The following ADAMTS9 variants were observed in gnomAD, a reference collection of about 807,000 sequenced individuals.
ADAMTS9 encodes ADAM metallopeptidase with thrombospondin type 1 motif 9, also known as A disintegrin and metalloproteinase with thrombospondin motifs 9.
ADAMTS9 carries 107 observed loss-of-function variants against 257.1 expected under a neutral mutation model. The ratio of observed to expected loss-of-function variants is 0.42; its 90% CI spans 0.36 to 0.49. ADAMTS9 has a LOEUF of 0.49. Ranked by LOEUF, ADAMTS9 falls within the 20% of genes least tolerant of loss-of-function variation. ADAMTS9 has a pLI of 0.03. For synonymous variants in ADAMTS9, 982 were observed against 880.9 expected, an observed-to-expected ratio of 1.11 and a Z score of -2.03; for missense variants, 2,353 against 2,469.1, an observed-to-expected ratio of 0.95 and a Z score of 1.00.
At chr3:64,673,892 TC>T (rs531320808) in intron 3 of ADAMTS9, among the ~76,000 whole-genome samples, 21 of 152,198 alleles carry the variant, frequency 1.4e-4, no homozygotes, top group African/African-American at 5.1e-4. Flanking sequence ...TTACAGTGGT[TC>T]ATTTTATTAT....
chr3:64,647,161 C>T (rs1405745228), intron 11 of ADAMTS9, among the ~76,000 whole-genome samples: 1 of 151,716 alleles, frequency 6.6e-6, no homozygotes, highest in Non-Finnish European at 1.5e-5. Context: ...GAGATTGTAT[C>T]CTTGGTAAGT....
intron 10 of ADAMTS9, 35 bp from the exon 11 acceptor site, chr3:64,648,079 A>G (rs1179810184): frequency 1.9e-6 from 3 of 1,572,674 alleles, no homozygotes; most frequent in Non-Finnish European, 1.7e-6. Context: ...TTGAGTGACA[A>G]GTGATTTATT....
Position 64,561,582 on chromosome 3 carries a change from T to C in ADAMTS9, c.4694A>G (p.Gln1565Arg), listed in dbSNP as rs1427532881. 1 of 1,612,840 alleles carries C rather than the reference T, an allele frequency of 6.2e-7. No homozygotes were observed. Among genetic ancestry groups the C allele is most frequent in the Non-Finnish European group, 8.5e-7 (1 of 1,179,476 alleles). Residue 1565 changes from glutamine to arginine, a missense_variant, in exon 30 of 40, where the codon CAA becomes CGA. By Grantham distance (43) the Gln-to-Arg change is conservative. Coordinates refer to ENST00000498707, the MANE Select transcript of ADAMTS9 (RefSeq NM_182920.2). ...PLYTWRAEEW[Q>R]ECTKTCGEGS... ...CCCCTTTGTGGCTCTACTTACTTCTTGCCATTCCTCTGCCCTCCAAGTGTA... is the reference window on the plus strand; with the variant it reads ...CCCCTTTGTGGCTCTACTTACTTCTCGCCATTCCTCTGCCCTCCAAGTGTA...
chr3:64,533,316 C>T (rs749829036), intron 37 of ADAMTS9, 46 bp from the exon 38 acceptor site: 3 of 1,521,608 alleles, frequency 2.0e-6, no homozygotes, highest in Admixed American at 1.7e-5. Context: ...CATGTGATGT[C>T]CTCAAAAAAG....
chr3:64,667,210 A>G (rs1701371822), intron 3 of ADAMTS9, among the ~76,000 whole-genome samples: 1 of 152,172 alleles, frequency 6.6e-6, no homozygotes, highest in Admixed American at 6.5e-5. Flanking sequence ...TTAGTCCCAT[A>G]AGATAGTTCC....
rs1411606684 is a variant in ADAMTS9, at chr3:64,687,058, T to G, written c.116-90A>C. The G allele has an allele frequency of 6.9e-7, 1 of 1,457,688 alleles. No individual in the cohort carries two copies. The highest frequency in any genetic ancestry group is 2.1e-5 in the Admixed American group (1 of 46,746). 90.3% of individuals were successfully genotyped at this position (1,457,688 alleles called of 1,614,324 possible). On this transcript the variant is annotated intron_variant, in intron 1 of 39. Coordinates refer to ENST00000498707, the MANE Select transcript of ADAMTS9 (RefSeq NM_182920.2). The surrounding 1 kb of genome is among the most constrained non-coding windows in gnomAD (Gnocchi z 4.4). Reference sequence around the variant, plus strand: ...GAAGGTGGGGACTTTGTTCTGACCTTATTTTCCAGCCCATTCGAGTCAATC... The same window carrying G: ...GAAGGTGGGGACTTTGTTCTGACCTGATTTTCCAGCCCATTCGAGTCAATC...
chr3:64,657,673 A>C (rs766081479), intron 4 of ADAMTS9, among the ~76,000 whole-genome samples: 2 of 147,040 alleles, frequency 1.4e-5, no homozygotes, highest in African/African-American at 5.0e-5. Flanking sequence ...ATGTGGCTAC[A>C]TGAAAATTTA....
intron 3 of ADAMTS9, among the ~76,000 whole-genome samples, chr3:64,662,668 T>C (rs1031558473): frequency 6.6e-6 from 1 of 152,088 alleles, no homozygotes; most frequent in Non-Finnish European, 1.5e-5. Context: ...ATGGACTTTA[T>C]TCTACCAGGA....
intron 11 of ADAMTS9, among the ~76,000 whole-genome samples, chr3:64,645,518 T>C (rs1700766259): frequency 6.6e-6 from 1 of 152,148 alleles, no homozygotes; most frequent in African/African-American, 2.4e-5. Flanking sequence ...CAGAATGTGC[T>C]AGCATATAGA....
chr3:64,529,555 C>A (rs1395111931), intron 38 of ADAMTS9, among the ~76,000 whole-genome samples: 2 of 152,182 alleles, frequency 1.3e-5, no homozygotes, highest in African/African-American at 4.8e-5. Context: ...CCAGAGAAGA[C>A]TGGGCCACAG....
At chr3:64,595,667 A>G (rs949551385) in intron 27 of ADAMTS9, among the ~76,000 whole-genome samples, 1 of 152,188 alleles carries the variant, frequency 6.6e-6, no homozygotes, top group Non-Finnish European at 1.5e-5. Context: ...CTGTCAATGA[A>G]AGTCAACAAT....
chr3:64,612,530 T>C (rs892917656), intron 22 of ADAMTS9, among the ~76,000 whole-genome samples: 1 of 152,164 alleles, frequency 6.6e-6, no homozygotes, highest in Non-Finnish European at 1.5e-5. Flanking sequence ...CTGCTTCCAC[T>C]TGTTGCATGC....
chr3:64,682,211 C>CT (rs899670824), intron 2 of ADAMTS9, among the ~76,000 whole-genome samples: 1 of 152,154 alleles, frequency 6.6e-6, no homozygotes, highest in African/African-American at 2.4e-5. Context: ...TTTAAGCTTC[C>CT]TTGTTCGTCA....
At chr3:64,618,044 A>T (rs1700008256) in intron 19 of ADAMTS9, among the ~76,000 whole-genome samples, 1 of 152,148 alleles carries the variant, frequency 6.6e-6, no homozygotes, top group Non-Finnish European at 1.5e-5. Context: ...TTTTTCAGTG[A>T]ACGATTTTAT....
intron 22 of ADAMTS9, among the ~76,000 whole-genome samples, chr3:64,611,075 CAAAAAAA>C (rs34998404): frequency 2.7e-3 from 193 of 72,150 alleles, no homozygotes; most frequent in Non-Finnish European, 4.4e-3. Flanking sequence ...GACTCTGTCT[CAAAAAAA>C]AAAAAAAAAA....
intron 3 of ADAMTS9, among the ~76,000 whole-genome samples, chr3:64,663,056 A>G (rs1251649011): frequency 6.6e-6 from 1 of 152,112 alleles, no homozygotes; most frequent in South Asian, 2.1e-4. Context: ...AAAAAAACCC[A>G]AAATCTGAAA....
Position 64,651,001 on chromosome 3 carries a change from A to G in ADAMTS9, c.1463+16T>C, listed in dbSNP as rs1224914498. On this transcript the variant is annotated intron_variant, in intron 9 of 39. Coordinates refer to ENST00000498707, the MANE Select transcript of ADAMTS9 (RefSeq NM_182920.2). ...AGGCACTAGAAGTTTGTGCTAAAAGAATGTTCAAGTCTTACTCTAAAAACT... is the reference window on the plus strand; with the variant it reads ...AGGCACTAGAAGTTTGTGCTAAAAGGATGTTCAAGTCTTACTCTAAAAACT... 8 of 1,588,052 alleles carry G rather than the reference A, an allele frequency of 5.0e-6. No homozygotes were observed. The highest frequency in any genetic ancestry group is 6.8e-6 in the Non-Finnish European group (8 of 1,170,148).
At chr3:64,601,830 C>T in intron 26 of ADAMTS9, 114 bp downstream of exon 26, 1 of 1,287,156 alleles carries the variant, frequency 7.8e-7, no homozygotes, top group Non-Finnish European at 1.1e-6. Flanking sequence ...TGAAAATGCA[C>T]AATGTCAATC....
chr3:64,573,658 C>T (rs1390465089), intron 28 of ADAMTS9, among the ~76,000 whole-genome samples: 1 of 152,218 alleles, frequency 6.6e-6, no homozygotes, highest in Non-Finnish European at 1.5e-5. Context: ...TTCCACTCTC[C>T]TTTTAACTTT....
Sources: gnomAD v4.1 joint callset for allele counts (sites outside exome capture counted in the v4.1 genomes callset) on GRCh38, gnomAD v4.1.1 for gene constraint, Gnocchi (gnomAD v3.1) non-coding constraint, MANE v1.5 for transcripts, NCBI Gene and HGNC (gene_info 2026-07-23, HGNC 2026-07-21) for gene names.